ACRBP: variants seen among roughly 807,000 people sequenced by gnomAD.
ACRBP encodes acrosin binding protein.
A neutral mutation model predicts 69.0 loss-of-function variants in ACRBP; 52 were observed. The observed-to-expected ratio is 0.75, with a 90% CI of 0.60 to 0.95. ACRBP has a LOEUF of 0.95. ACRBP is among the 40% of genes least tolerant of loss of function. The probability of loss-of-function intolerance (pLI) is 0.00; values close to 1 mark genes in which losing one functional copy is unlikely to be tolerated. For missense variants in ACRBP, 604 were observed against 673.0 expected (o/e 0.90, Z 1.13); for synonymous variants, 267 against 258.9 (o/e 1.03, Z -0.30).
At chr12:6,645,161 G>A in intron 4 of ACRBP, 59 bp downstream of exon 4, 1 of 1,354,042 alleles carries the variant, frequency 7.4e-7, no homozygotes, top group Admixed American at 1.9e-5. Context: ...GCCTTACGTT[G>A]TGGGCTCTGG....
Position 6,640,081 on chromosome 12 carries a change from C to G in ACRBP, c.1404G>C (p.Gln468His). Reference protein sequence around the residue: ...GWLQTEFLSFQDGDFPTKICD... With the variant: ...GWLQTEFLSFHDGDFPTKICD... ...TAACCTTGGTAGGGAAATCCCCATCCTGGAAGCTAAGGAACTCAGTCTGGA... is the reference window on the plus strand; with the variant it reads ...TAACCTTGGTAGGGAAATCCCCATCGTGGAAGCTAAGGAACTCAGTCTGGA... The change falls in exon 8 of 10, where the codon CAG becomes CAC. Residue 468 changes from glutamine (Q) to histidine (H), a missense_variant. By Grantham distance (24) the Gln-to-His change is conservative (BLOSUM62 0). This residue lies in a region of ACRBP where 21 missense variants were observed against 50.0 expected (regional missense o/e 0.42). Coordinates refer to ENST00000229243, the MANE Select transcript of ACRBP (RefSeq NM_032489.3). This position sits in a 1 kb window ranked among gnomAD's most constrained non-coding sequence, Gnocchi z 5.3. 6.2e-7 allele frequency: 1 copy of G among 1,614,162 alleles called. No homozygotes were observed. Among genetic ancestry groups the G allele is most frequent in the South Asian group, 1.1e-5 (1 of 91,084 alleles).
At position 6,644,556 on chromosome 12, in the gene ACRBP, G is replaced by A. The variant is rs771581950; in HGVS notation, c.525C>T (p.Asn175=). 7 of 1,614,016 alleles carry A rather than the reference G, an allele frequency of 4.3e-6. No homozygotes were observed. The highest frequency in any genetic ancestry group is 1.7e-5 in the Admixed American group (1 of 59,986). ...FQPWPERLSN[N]VEELLQSSLS... is the part of the protein sequence containing the mutation. ...AGGAGGATTGTAGGAGCTCTTCCAC[G>A]TTGTTGCTGAGCCTCTCAGGCCAGG... is the stretch of plus-strand genomic sequence containing the variant. Residue 175 remains asparagine, a synonymous_variant, in exon 5 of 10, where the codon AAC becomes AAT. Transcript: ENST00000229243.
chr12:6,643,434 G>A, intron 6 of ACRBP, 105 bp downstream of exon 6: 3 of 1,468,084 alleles, frequency 2.0e-6, no homozygotes, highest in Non-Finnish European at 2.8e-6. Flanking sequence ...CTCCAGCTAT[G>A]TCTCATGCTT....
chr12:6,640,434 G>T lies in ACRBP; in HGVS notation c.1166C>A (p.Ala389Asp). The change falls in exon 7 of 10, where the codon GCC becomes GAC. Residue 389 changes from alanine to aspartate, a missense_variant. Physicochemically the swap from Ala to Asp is moderately radical, Grantham distance 126 (BLOSUM62 -2). Around this residue, in one of 3 missense-constraint regions of ACRBP, gnomAD observed 532 missense variants for 562.9 expected, o/e 0.95. Transcript: ENST00000229243. The surrounding 1 kb of genome is among the most constrained non-coding windows in gnomAD (Gnocchi z 5.3). ...GTCGCATTGTTGCCGCTGCAGGCTG[G>T]CCTCTGAGTGGCACTGCTCCAGCTT... Reference protein sequence around the residue: ...SLKLEQCHSEASLQRQQCDTS... With the variant: ...SLKLEQCHSEDSLQRQQCDTS... 6.2e-7 allele frequency: 1 copy of T among 1,614,186 alleles called. No individual in the cohort carries two copies.
In ACRBP at chr12:6,647,353, G is replaced by A. The variant is rs936475372; in HGVS notation, c.14C>T (p.Ala5Val). The A allele has an allele frequency of 2.6e-6, 4 of 1,542,702 alleles. No homozygotes were observed. In the African/African-American group the frequency reaches 5.5e-5, roughly 21 times the overall value. The change falls in exon 1 of 10, where the codon GCC becomes GTC. Residue 5 changes from alanine (A) to valine (V), a missense_variant. This residue lies in a region of ACRBP where 532 missense variants were observed against 562.9 expected (regional missense o/e 0.95). Coordinates refer to ENST00000229243, the MANE Select transcript of ACRBP (RefSeq NM_032489.3). ...CAGGAGTGAGGGAAGGAAGCCAGCG[G>A]CTGGCTTCCTCATGGCCGGAGAAGA... is the stretch of plus-strand genomic sequence containing the variant. MRKPAAGFLPSLLKV... is the reference protein window; with the variant it reads MRKPVAGFLPSLLKV...
chr12:6,641,015 C>CCT (rs1949048827), intron 6 of ACRBP, among the ~76,000 whole-genome samples: 1 of 152,240 alleles, frequency 6.6e-6, no homozygotes, highest in Non-Finnish European at 1.5e-5. Flanking sequence ...CCTATAACAG[C>CCT]AGAGATACTA....
Position 6,645,251 on chromosome 12 carries a change from C to T in ACRBP, c.444G>A (p.Thr148=), listed in dbSNP as rs375082444. ...IEASAEVSPT[T]MTSPISPHFT... is the part of the protein sequence containing the mutation. ...AGTGGGGTGAGATGGGGGAGGTCAT[C>T]GTGGTGGGTGAGACTTCAGCTGAAG... The change falls in exon 4 of 10, where the codon ACG becomes ACA. Residue 148 remains threonine, a synonymous_variant. Transcript: ENST00000229243. 67 of 1,613,450 alleles carry T rather than the reference C, an allele frequency of 4.2e-5. No homozygotes were observed. Among genetic ancestry groups the T allele is most frequent in the Middle Eastern group, 1.6e-4 (1 of 6,076 alleles).
chr12:6,643,490 A>C, intron 6 of ACRBP, 49 bp downstream of exon 6: 1 of 1,607,330 alleles, frequency 6.2e-7, no homozygotes, highest in Non-Finnish European at 8.5e-7. Context: ...GTGCCTGGCC[A>C]AGAGGATGCC....
chr12:6,642,329 G>A (rs905713905), intron 6 of ACRBP, among the ~76,000 whole-genome samples: 1 of 152,018 alleles, frequency 6.6e-6, no homozygotes, highest in Non-Finnish European at 1.5e-5. Flanking sequence ...CTTACATTTA[G>A]GTCTTTGATC....
chr12:6,641,263 CAGG>C (rs1458951585), intron 6 of ACRBP, among the ~76,000 whole-genome samples: 1 of 152,226 alleles, frequency 6.6e-6, no homozygotes, highest in Admixed American at 6.5e-5. Context: ...TCAGCACTAG[CAGG>C]AGATCGTACT....
At position 6,646,582 on chromosome 12, in the gene ACRBP, G is replaced by A; in HGVS notation, c.263-5C>T. 1 of 1,613,658 alleles carries A rather than the reference G, an allele frequency of 6.2e-7. No individual in the cohort carries two copies. The highest frequency in any genetic ancestry group is 2.2e-5 in the East Asian group (1 of 44,872). On this transcript the variant is annotated splice_region_variant and splice_polypyrimidine_tract_variant and intron_variant, in intron 2 of 9. Transcript: ENST00000229243. The stretch of plus-strand genomic sequence containing the variant: ...GGAGGTTGGAGCAGACAGCACCTGA[G>A]AAAGGGCAGGGGTGGAGAAGATGAA...
Position 6,645,315 on chromosome 12 carries a change from A to T in ACRBP, c.380T>A (p.Val127Asp). Reference sequence around the variant, plus strand: ...GAGAGTGTTAGGTGAGAGAATAGAGACTGGCTGGGAACACAGGACTCTCTG... The same window carrying T: ...GAGAGTGTTAGGTGAGAGAATAGAGTCTGGCTGGGAACACAGGACTCTCTG... The part of the protein sequence containing the change: ...YAKRVLCSQP[V>D]SILSPNTLKE... The change falls in exon 4 of 10, where the codon GTC becomes GAC. Residue 127 changes from valine (V) to aspartate (D), a missense_variant. Around this residue, in one of 3 missense-constraint regions of ACRBP, gnomAD observed 532 missense variants for 562.9 expected, o/e 0.95. Transcript: ENST00000229243. 6.2e-7 allele frequency: 1 copy of T among 1,613,514 alleles called. No homozygotes were observed. Among genetic ancestry groups the T allele is most frequent in the African/African-American group, 1.3e-5 (1 of 75,006 alleles).
Position 6,638,383 on chromosome 12 carries a change from G to T in ACRBP, c.1531C>A (p.Gln511Lys). The change falls in exon 10 of 10, where the codon CAG becomes AAG. Residue 511 changes from glutamine (Q) to lysine (K), a missense_variant. By Grantham distance (53) the Gln-to-Lys change is moderately conservative. Around this residue, in one of 3 missense-constraint regions of ACRBP, gnomAD observed 51 missense variants for 60.1 expected, o/e 0.85. Transcript: ENST00000229243. ...NRKVSRMRCL[Q>K]NETYSALSPG... ...CTCAGCGCACTGTAAGTCTCATTCT[G>T]CAGACATCTCATGCGGGACACCTAC... 6.2e-7 allele frequency: 1 copy of T among 1,614,046 alleles called. No homozygotes were observed. Among genetic ancestry groups the T allele is most frequent in the Non-Finnish European group, 8.5e-7 (1 of 1,180,014 alleles).
chr12:6,640,346 G>T lies in ACRBP; in HGVS notation c.1254C>A (p.Asn418Lys), dbSNP rs1185599902. 6 of 1,614,020 alleles carry T rather than the reference G, an allele frequency of 3.7e-6. No individual in the cohort carries two copies. The highest frequency in any genetic ancestry group is 1.7e-5 in the Admixed American group (1 of 60,004). Residue 418 changes from asparagine to lysine, a missense_variant, in exon 7 of 10, where the codon AAC (asparagine) becomes AAA (lysine). Physicochemically the swap from Asn to Lys is moderately conservative, Grantham distance 94. This residue lies in a region of ACRBP where 532 missense variants were observed against 562.9 expected (regional missense o/e 0.95). Coordinates refer to ENST00000229243, the MANE Select transcript of ACRBP (RefSeq NM_032489.3). The surrounding 1 kb of genome is among the most constrained non-coding windows in gnomAD (Gnocchi z 5.3). ...TGCGGGCTGCCGGGCTAGATACCTGGTTGCCGATGGACAGGCTCTGGGAGG... is the reference window on the plus strand; with the variant it reads ...TGCGGGCTGCCGGGCTAGATACCTGTTTGCCGATGGACAGGCTCTGGGAGG... ...LLASQSLSIGNQVGSPESGRF... is the reference protein window; with the variant it reads ...LLASQSLSIGKQVGSPESGRF...
In ACRBP at chr12:6,640,257, G is replaced by A. The variant is rs748992833; in HGVS notation, c.1258-30C>T. 30 of 1,613,200 alleles carry A rather than the reference G, an allele frequency of 1.9e-5. No individual in the cohort carries two copies. The highest frequency in any genetic ancestry group is 5.0e-5 in the Admixed American group (3 of 59,962). On this transcript the variant is annotated intron_variant, in intron 7 of 9. Transcript: ENST00000229243. The surrounding 1 kb of genome is among the most constrained non-coding windows in gnomAD (Gnocchi z 5.3). The stretch of plus-strand genomic sequence containing the variant: ...GGCACAGGAGATAGGGGAGAGGTGC[G>A]TGCCCCTCCCCACCTGCTGGCCACC...
intron 6 of ACRBP, among the ~76,000 whole-genome samples, chr12:6,641,461 G>C (rs993142127): frequency 6.6e-6 from 1 of 152,092 alleles, no homozygotes; most frequent in Admixed American, 6.6e-5. Flanking sequence ...TGCTCATGTT[G>C]CCATTCAAGA....
At chr12:6,643,950 G>C in intron 5 of ACRBP, 187 bp downstream of exon 5, 1 of 1,215,364 alleles carries the variant, frequency 8.2e-7, no homozygotes, top group Non-Finnish European at 1.1e-6. Flanking sequence ...CTTACATAGA[G>C]AATAAGCATT....
Position 6,647,331 on chromosome 12 carries a change from G to C in ACRBP, c.36C>G (p.Leu12=). The C allele has an allele frequency of 6.4e-7, 1 of 1,552,112 alleles. No individual in the cohort carries two copies. Among genetic ancestry groups the C allele is most frequent in the Non-Finnish European group, 8.7e-7 (1 of 1,148,860 alleles). Residue 12 remains leucine, a synonymous_variant, in exon 1 of 10, where the codon CTC becomes CTG. Coordinates refer to ENST00000229243, the MANE Select transcript of ACRBP (RefSeq NM_032489.3). ...RKPAAGFLPS[L]LKVLLLPLAP... is the part of the protein sequence containing the mutation. ...CAGGTGTAAACCTCTCACCCTTCAG[G>C]AGTGAGGGAAGGAAGCCAGCGGCTG...
intron 9 of ACRBP, 68 bp downstream of exon 9, chr12:6,638,886 A>G: frequency 1.2e-6 from 2 of 1,602,630 alleles, no homozygotes; most frequent in South Asian, 2.2e-5. Flanking sequence ...GGGGCCTCAG[A>G]ATAGACCAGT....
Sources: gnomAD v4.1 joint callset for allele counts (sites outside exome capture counted in the v4.1 genomes callset) on GRCh38, gnomAD v4.1.1 for gene constraint, gnomAD v4.1.1 regional missense constraint, Gnocchi (gnomAD v3.1) non-coding constraint, MANE v1.5 for transcripts, NCBI Gene and HGNC (gene_info 2026-07-23, HGNC 2026-07-21) for gene names.